Variants in WAC observed in about 807,000 individuals in gnomAD.
WAC encodes the protein WW domain containing adaptor with coiled-coil.
A neutral mutation model predicts 79.6 loss-of-function variants in WAC; 11 were observed. The observed-to-expected ratio is 0.14, with a 90% CI of 0.09 to 0.23. WAC has a LOEUF of 0.23. Among genes scored for constraint, WAC ranks in the 10% least tolerant of loss-of-function variants. The pLI is 1.00. For missense variants in WAC, 728 were observed against 773.5 expected, an observed-to-expected ratio of 0.94 and a Z score of 0.70; for synonymous variants, 304 against 276.9, an observed-to-expected ratio of 1.10 and a Z score of -0.97.
chr10:28,550,382 C>G (rs939345943), intron 3 of WAC, among the ~76,000 whole-genome samples: 6 of 144,936 alleles, frequency 4.1e-5, no homozygotes, highest in Middle Eastern at 3.6e-3. Flanking sequence ...TTTTTTTTTC[C>G]TTTGCCAAAC....
intron 11 of WAC, chr10:28,615,673 AG>A (rs1296203885): frequency 6.6e-6 from 1 of 152,342 alleles, no homozygotes; most frequent in Non-Finnish European, 1.5e-5. Flanking sequence ...AAAGAATCTC[AG>A]AGTGTTATTT....
intron 3 of WAC, among the ~76,000 whole-genome samples, chr10:28,574,683 A>G (rs1439518003): frequency 2.0e-5 from 3 of 152,256 alleles, no homozygotes; most frequent in South Asian, 2.1e-4. Flanking sequence ...AGCTCAGGCA[A>G]TCCGCTTGCC....
chr10:28,553,765 G>T lies in WAC; in HGVS notation c.274+18008G>T, dbSNP rs528875618. ...ATAGAAAATATTTGGGGGAATAAAA[G>T]GATGGTTGTGTCTTTACTGAACATG... is the stretch of plus-strand genomic sequence containing the variant. On this transcript the variant is annotated intron_variant, in intron 3 of 13. Coordinates refer to ENST00000354911, the MANE Select transcript of WAC (RefSeq NM_016628.5). 2.0e-5 allele frequency among the ~76,000 whole-genome samples: 3 copies of T among 152,256 alleles called. No homozygotes were observed. The South Asian group carries it at 6.2e-4, about 32-fold the overall frequency.
chr10:28,547,104 T>A (rs1233384405), intron 3 of WAC, among the ~76,000 whole-genome samples: 1 of 152,226 alleles, frequency 6.6e-6, no homozygotes, highest in Non-Finnish European at 1.5e-5. Context: ...TAATGAATAA[T>A]TATGTAGTAT....
rs1447122162 is a variant in WAC, at chr10:28,616,318, A to T, written c.1702A>T (p.Ile568Leu). Reference protein sequence around the residue: ...ALAAHFSENLIKHVQGWPADH... With the variant: ...ALAAHFSENLLKHVQGWPADH... ...AGCAGCACACTTCAGTGAAAATCTCATAAAACACGTTCAAGGATGGCCTGC... is the reference window on the plus strand; with the variant it reads ...AGCAGCACACTTCAGTGAAAATCTCTTAAAACACGTTCAAGGATGGCCTGC... Residue 568 changes from isoleucine to leucine, a missense_variant, in exon 12 of 14, where the codon ATA becomes TTA. Physicochemically the swap from Ile to Leu is conservative, Grantham distance 5. Coordinates refer to ENST00000354911, the MANE Select transcript of WAC (RefSeq NM_016628.5). 1 of 1,613,258 alleles carries T rather than the reference A, an allele frequency of 6.2e-7. No individual in the cohort carries two copies.
At chr10:28,570,310 G>T (rs1280228673) in intron 3 of WAC, among the ~76,000 whole-genome samples, 1 of 152,200 alleles carries the variant, frequency 6.6e-6, no homozygotes, top group Non-Finnish European at 1.5e-5. Context: ...TACAGGTATA[G>T]TGTGTTGTCT....
rs567701241 is a variant in WAC, at chr10:28,585,262, A to G, written c.381+1757A>G. 3.5e-4 allele frequency among the ~76,000 whole-genome samples: 53 copies of G among 152,296 alleles called. No homozygotes were observed. The East Asian group carries it at 6.7e-3, about 19-fold the overall frequency. Reference sequence around the variant, plus strand: ...AGAGGAGGAGCCCCACAGAGCTGGTAGTAATACCTCTGAGGGTATGGTGAA... The same window carrying G: ...AGAGGAGGAGCCCCACAGAGCTGGTGGTAATACCTCTGAGGGTATGGTGAA... On this transcript the variant is annotated intron_variant, in intron 4 of 13. Coordinates refer to ENST00000354911, the MANE Select transcript of WAC (RefSeq NM_016628.5).
At chr10:28,603,007 G>C (rs543173001) in intron 7 of WAC, among the ~76,000 whole-genome samples, 94 of 152,274 alleles carry the variant, frequency 6.2e-4, no homozygotes, top group African/African-American at 2.2e-3. Flanking sequence ...GAGAGTGAAG[G>C]AAAGTTTAAA....
Position 28,546,022 on chromosome 10 carries a change from C to T in WAC, c.274+10265C>T, listed in dbSNP as rs150879594. Among the ~76,000 whole-genome samples the T allele has an allele frequency of 2.6e-3, 392 of 152,196 alleles. 1 individual carries two copies. Among genetic ancestry groups the T allele is most frequent in the African/African-American group, 8.9e-3 (371 of 41,524 alleles). On this transcript the variant is annotated intron_variant, in intron 3 of 13. Coordinates refer to ENST00000354911, the MANE Select transcript of WAC (RefSeq NM_016628.5). ...ATCTTAGGTGTTAACAAAAGATTTC[C>T]TAAAGTTTACTCTTAGGAGTATTTG...
rs773851052 is a variant in WAC at position 28,614,729 on chromosome 10, G to C, written c.1556+44G>C. 5.0e-6 allele frequency: 7 copies of C among 1,409,596 alleles called. No individual in the cohort carries two copies. The South Asian group carries it at 8.2e-5, about 16-fold the overall frequency. The allele number at this position is 1,409,596 out of a possible 1,614,324, so 87.3% of individuals were successfully genotyped here. On this transcript the variant is annotated intron_variant, in intron 11 of 13. Coordinates refer to ENST00000354911, the MANE Select transcript of WAC (RefSeq NM_016628.5). The stretch of plus-strand genomic sequence containing the variant: ...TTGAGACCACATTGTTTTATTTAAT[G>C]ATGGTACACTGCATTGTTTGAATAT...
chr10:28,541,415 G>GTTTTT (rs143772149), intron 3 of WAC, among the ~76,000 whole-genome samples: 1,552 of 37,838 alleles, frequency 0.041, 389 homozygotes, highest in Middle Eastern at 0.065. Context: ...GTGTGTGTGT[G>GTTTTT]TTTTGTTTTT....
chr10:28,538,292 A>G, intron 3 of WAC: 1 of 330,762 alleles, frequency 3.0e-6, no homozygotes, highest in South Asian at 2.2e-5. Context: ...TTTATCCAAA[A>G]ATGAATTCAG....
chr10:28,585,651 G>T (rs1839784422), intron 4 of WAC, among the ~76,000 whole-genome samples: 1 of 151,576 alleles, frequency 6.6e-6, no homozygotes, highest in Admixed American at 6.6e-5. Flanking sequence ...GAATGAATCT[G>T]CCTGTTTTCC....
intron 7 of WAC, among the ~76,000 whole-genome samples, chr10:28,604,895 T>C (rs1181886181): frequency 1.3e-5 from 2 of 152,234 alleles, no homozygotes; most frequent in Non-Finnish European, 2.9e-5. Context: ...ATAAAACTTC[T>C]ACCTTTTATA....
chr10:28,599,541 G>C (rs1013968579), intron 7 of WAC, among the ~76,000 whole-genome samples: 1 of 152,192 alleles, frequency 6.6e-6, no homozygotes, highest in East Asian at 1.9e-4. Context: ...TACAAGAACA[G>C]GTGTTGAGAG....
rs1366524265 is a variant in WAC, at chr10:28,608,219, C to T, written c.953C>T (p.Ser318Phe). ...TCAGGAGACAAACCCGTATCACATT[C>T]TTGCACAACTCCTTCCACGTCTTCT... ...STSGDKPVSH[S>F]CTTPSTSSAS... The change falls in exon 8 of 14, where the codon TCT becomes TTT. Residue 318 changes from serine (S) to phenylalanine (F), a missense_variant. Physicochemically the swap from Ser to Phe is radical, Grantham distance 155 (BLOSUM62 -2). This residue lies in a region of WAC where 648 missense variants were observed against 661.5 expected (regional missense o/e 0.98). Transcript: ENST00000354911. The T allele has an allele frequency of 6.2e-7, 1 of 1,614,076 alleles. No individual in the cohort carries two copies. Among genetic ancestry groups the T allele is most frequent in the Non-Finnish European group, 8.5e-7 (1 of 1,180,052 alleles).
intron 3 of WAC, among the ~76,000 whole-genome samples, chr10:28,561,556 A>T (rs1205043408): frequency 6.6e-6 from 1 of 152,158 alleles, no homozygotes; most frequent in Non-Finnish European, 1.5e-5. Context: ...ATTTAATGGA[A>T]TTTGACCCTG....
Position 28,588,075 on chromosome 10 carries a change from C to T in WAC, c.382-1661C>T, listed in dbSNP as rs549015166. Among the ~76,000 whole-genome samples the T allele has an allele frequency of 3.9e-5, 6 of 152,286 alleles. No individual in the cohort carries two copies. In the East Asian group the frequency reaches 7.7e-4, roughly 20 times the overall value. ...CATACTGACCTCTGGTGTCCTCTGT[C>T]CACTAGTCTCAAATCTCATTCTACC... On this transcript the variant is annotated intron_variant, in intron 4 of 13. Coordinates refer to ENST00000354911, the MANE Select transcript of WAC (RefSeq NM_016628.5).
At chr10:28,541,417 TTTG>T (rs1374817627) in intron 3 of WAC, among the ~76,000 whole-genome samples, 18,923 of 72,130 alleles carry the variant, frequency 0.26, 4,508 homozygotes, top group East Asian at 0.51. Context: ...GTGTGTGTGT[TTTG>T]TTTTTTTTTT....
Sources: allele counts gnomAD v4.1 joint callset (sites outside exome capture counted in the v4.1 genomes callset), GRCh38; gene constraint gnomAD v4.1.1; regional missense constraint gnomAD v4.1.1; transcripts MANE v1.5; gene names NCBI Gene and HGNC (gene_info 2026-07-23, HGNC 2026-07-21).